Variants in RARB observed in about 807,000 individuals in gnomAD.
The protein encoded by RARB is HBV-activated protein.
RARB carries 17 observed loss-of-function variants against 51.9 expected under a neutral mutation model. The ratio of observed to expected loss-of-function variants is 0.33; its 90% CI spans 0.22 to 0.49. The LOEUF (loss-of-function observed/expected upper bound fraction) is 0.49. Ranked by LOEUF, RARB falls within the 20% of genes least tolerant of loss-of-function variation. The pLI is 0.99. For synonymous variants in RARB, 215 were observed against 195.4 expected (o/e 1.10, Z -0.84); for missense variants, 369 against 550.8 (o/e 0.67, Z 3.30).
intron 2 of RARB, among the ~76,000 whole-genome samples, chr3:24,920,525 GA>G (rs1452909795): frequency 1.6e-4 from 25 of 152,122 alleles, no homozygotes; most frequent in African/African-American, 5.1e-4. Context: ...TTAAAATTGG[GA>G]ATTTAAATAA....
chr3:25,521,500 A>C (rs1242454288), intron 3 of RARB, among the ~76,000 whole-genome samples: 1 of 152,204 alleles, frequency 6.6e-6, no homozygotes, highest in Non-Finnish European at 1.5e-5. Context: ...GGGGGAAAAA[A>C]TAAGATATGA....
chr3:25,200,130 T>G (rs1264389630), intron 5 of RARB, among the ~76,000 whole-genome samples: 1 of 152,168 alleles, frequency 6.6e-6, no homozygotes, highest in South Asian at 2.1e-4. Flanking sequence ...TTTTTAATGA[T>G]CTCCATTCTA....
At chr3:25,251,770 C>G (rs1364224250) in intron 5 of RARB, among the ~76,000 whole-genome samples, 1 of 151,756 alleles carries the variant, frequency 6.6e-6, no homozygotes, top group African/African-American at 2.4e-5. Context: ...GACCTTTTAT[C>G]AGACGTATGA....
At chr3:25,308,386 A>C (rs1311482434) in intron 5 of RARB, among the ~76,000 whole-genome samples, 1 of 151,644 alleles carries the variant, frequency 6.6e-6, no homozygotes, top group African/African-American at 2.4e-5. Context: ...GCTCTTCAAC[A>C]CAGTAATCAC....
chr3:25,041,272 C>T (rs758223235), intron 2 of RARB, among the ~76,000 whole-genome samples: 2 of 152,052 alleles, frequency 1.3e-5, no homozygotes, highest in African/African-American at 4.8e-5. Flanking sequence ...GTGTCTTTTC[C>T]AGCACTAAAG....
At chr3:25,023,543 A>G (rs1481054122) in intron 2 of RARB, among the ~76,000 whole-genome samples, 2 of 152,314 alleles carry the variant, frequency 1.3e-5, no homozygotes, top group East Asian at 1.9e-4. Flanking sequence ...GGTTAGGACT[A>G]CATCACAAAG....
At chr3:25,371,960 G>A (rs6769856) in intron 5 of RARB, among the ~76,000 whole-genome samples, 3 of 151,958 alleles carry the variant, frequency 2.0e-5, no homozygotes, top group Non-Finnish European at 4.4e-5. Flanking sequence ...TGGGAATATC[G>A]GGGTGATGGG....
chr3:24,924,770 C>G (rs73137232), intron 2 of RARB, among the ~76,000 whole-genome samples: 1,803 of 152,160 alleles, frequency 0.012, 32 homozygotes, highest in African/African-American at 0.041. Flanking sequence ...CTGCAGGGCC[C>G]GAGCTCAAAA....
intron 4 of RARB, among the ~76,000 whole-genome samples, chr3:25,133,750 A>T (rs143561991): frequency 0.016 from 2,425 of 152,044 alleles, 60 homozygotes; most frequent in African/African-American, 0.054. Context: ...GCAAAGCTGT[A>T]CACACATATG....
chr3:25,245,729 C>T (rs902149519), intron 5 of RARB, among the ~76,000 whole-genome samples: 2 of 152,120 alleles, frequency 1.3e-5, no homozygotes, highest in African/African-American at 4.8e-5. Flanking sequence ...TCTGACTGCC[C>T]TTAACATTTT....
At chr3:25,391,408 C>G (rs13073255) in intron 5 of RARB, among the ~76,000 whole-genome samples, 25,465 of 152,024 alleles carry the variant, frequency 0.17, 2,403 homozygotes, top group Admixed American at 0.3. Context: ...TAGGTAAATA[C>G]TCAATAGTGG....
intron 5 of RARB, 136 bp downstream of exon 5, chr3:25,580,858 T>A: frequency 1.1e-6 from 1 of 932,898 alleles, no homozygotes; most frequent in Non-Finnish European, 1.5e-6. Flanking sequence ...CCTGACTTAG[T>A]AGGTGGACTC....
At chr3:25,054,946 C>T (rs1033322353) in intron 2 of RARB, among the ~76,000 whole-genome samples, 4 of 152,090 alleles carry the variant, frequency 2.6e-5, no homozygotes, top group Non-Finnish European at 4.4e-5. Context: ...GCAATTAATA[C>T]TGAAAATAAA....
chr3:25,034,155 CA>C (rs1697934708), intron 2 of RARB, among the ~76,000 whole-genome samples: 1 of 152,064 alleles, frequency 6.6e-6, no homozygotes, highest in Non-Finnish European at 1.5e-5. Flanking sequence ...ACTAAAAATA[CA>C]AAAATTAGCT....
intron 2 of RARB, among the ~76,000 whole-genome samples, chr3:24,868,516 ACTC>A (rs1702891188): frequency 6.6e-6 from 1 of 151,934 alleles, no homozygotes. Flanking sequence ...ATCTGCATGG[ACTC>A]CTCCTCTTGG....
intron 2 of RARB, among the ~76,000 whole-genome samples, chr3:24,936,647 T>C (rs968148657): frequency 2.6e-5 from 4 of 152,206 alleles, no homozygotes; most frequent in Non-Finnish European, 4.4e-5. Flanking sequence ...CTCTGCATAA[T>C]CAAAAGTTAA....
intron 5 of RARB, among the ~76,000 whole-genome samples, chr3:25,199,602 G>A (rs535680678): frequency 3.8e-4 from 57 of 151,228 alleles, no homozygotes; most frequent in African/African-American, 1.3e-3. Flanking sequence ...TCCCTTCCCC[G>A]ACACCACAAC....
rs1272279912 is a variant in RARB, at chr3:25,597,435, T to TAATG, written c.*821_*824dup. ...TTAGTTAAAAAAAATTTTTTTACAG[T>TAATG]AATGATAGCCTCCAAGGCAGAAACA... On this transcript the variant is annotated 3_prime_UTR_variant, in exon 8 of 8. Coordinates refer to ENST00000330688, the MANE Select transcript of RARB (RefSeq NM_000965.5). 1.3e-5 allele frequency: 2 copies of TAATG among 152,072 alleles called. No homozygotes were observed. The highest frequency in any genetic ancestry group is 3.0e-5 in the Non-Finnish European group (2 of 67,704). 9.4% of individuals were successfully genotyped at this position (152,072 alleles called of 1,614,324 possible).
chr3:24,863,479 C>A (rs1321641255), intron 2 of RARB, among the ~76,000 whole-genome samples: 1 of 152,098 alleles, frequency 6.6e-6, no homozygotes, highest in Non-Finnish European at 1.5e-5. Context: ...AGTGTAATAT[C>A]ATTTGCCTGC....
Sources: allele counts gnomAD v4.1 joint callset (sites outside exome capture counted in the v4.1 genomes callset), GRCh38; gene constraint gnomAD v4.1.1; transcripts MANE v1.5; gene names NCBI Gene and HGNC (gene_info 2026-07-23, HGNC 2026-07-21).